PELI2: variants seen among roughly 807,000 people sequenced by gnomAD.
PELI2 encodes pellino E3 ubiquitin protein ligase family member 2, also known as E3 ubiquitin-protein ligase pellino homolog 2.
Under a neutral mutation model 42.3 loss-of-function variants are expected in PELI2, and 23 were observed. The ratio of observed to expected loss-of-function variants is 0.54; its 90% CI spans 0.39 to 0.77. The LOEUF is 0.77. PELI2 is among the 30% of genes least tolerant of loss of function. The pLI is 0.00. For missense variants in PELI2, 463 were observed against 553.2 expected (o/e 0.84, Z 1.64); for synonymous variants, 245 against 212.2 (o/e 1.15, Z -1.34).
intron 2 of PELI2, among the ~76,000 whole-genome samples, chr14:56,248,273 G>T (rs1381780374): frequency 6.6e-6 from 1 of 152,144 alleles, no homozygotes; most frequent in African/African-American, 2.4e-5. Context: ...TTTGAGCATA[G>T]TAAATAATGA....
intron 2 of PELI2, among the ~76,000 whole-genome samples, chr14:56,261,339 T>C (rs1374496852): frequency 6.6e-6 from 1 of 152,212 alleles, no homozygotes; most frequent in East Asian, 1.9e-4. Flanking sequence ...CATTCGTTCA[T>C]GAGTTCATTC....
Position 56,202,531 on chromosome 14 carries a change from C to T in PELI2, c.207+24067C>T, listed in dbSNP as rs147310656. 5.4e-4 allele frequency among the ~76,000 whole-genome samples: 82 copies of T among 152,268 alleles called. 1 individual carries two copies. In the East Asian group the frequency reaches 0.014, roughly 27 times the overall value. On this transcript the variant is annotated intron_variant, in intron 2 of 5. Transcript: ENST00000267460. The stretch of plus-strand genomic sequence containing the variant: ...CCTGCTCTCCAGGTCTGCTCACAGC[C>T]GGGGTCCTGCTGGCTCTGTGTCTTT...
chr14:56,154,608 A>G (rs1305968006), intron 1 of PELI2, among the ~76,000 whole-genome samples: 2 of 152,222 alleles, frequency 1.3e-5, no homozygotes, highest in Non-Finnish European at 2.9e-5. Flanking sequence ...TTTTTCCCTT[A>G]TAAATTGCCC....
intron 1 of PELI2, among the ~76,000 whole-genome samples, chr14:56,122,160 T>C (rs1170948735): frequency 1.3e-5 from 2 of 152,088 alleles, no homozygotes; most frequent in African/African-American, 4.8e-5. Context: ...ATTCCTAATG[T>C]AGATGATGGG....
rs780806508 is a variant in PELI2, at chr14:56,288,672, T to C, written c.507+38T>C. The C allele has an allele frequency of 4.7e-6, 7 of 1,492,526 alleles. No individual in the cohort carries two copies. The East Asian group carries it at 1.4e-4, about 30-fold the overall frequency. 92.5% of individuals were successfully genotyped at this position (1,492,526 alleles called of 1,614,324 possible). ...AAGAAGTACACGATTTCTAGAAAAA[T>C]GCTTGTGATTATGATATGGAACATT... is the stretch of plus-strand genomic sequence containing the variant. On this transcript the variant is annotated intron_variant, in intron 4 of 5. Coordinates refer to ENST00000267460, the MANE Select transcript of PELI2 (RefSeq NM_021255.3). The surrounding 1 kb of genome is among the most constrained non-coding windows in gnomAD (Gnocchi z 4.6).
intron 1 of PELI2, among the ~76,000 whole-genome samples, chr14:56,128,129 A>C (rs1452047136): frequency 6.6e-6 from 1 of 152,192 alleles, no homozygotes; most frequent in Non-Finnish European, 1.5e-5. Flanking sequence ...CTAAACATAC[A>C]CACTAAACAC....
intron 1 of PELI2, among the ~76,000 whole-genome samples, chr14:56,124,409 T>C (rs1883173642): frequency 6.6e-6 from 1 of 152,216 alleles, no homozygotes; most frequent in African/African-American, 2.4e-5. Flanking sequence ...AAGCCAGGAA[T>C]GTATGCATTC....
intron 1 of PELI2, among the ~76,000 whole-genome samples, chr14:56,129,927 C>T (rs1263186165): frequency 6.6e-6 from 1 of 152,194 alleles, no homozygotes; most frequent in Non-Finnish European, 1.5e-5. Flanking sequence ...AGGGGCTGCC[C>T]TGCTTGGCCT....
At chr14:56,151,961 A>G (rs1307798474) in intron 1 of PELI2, among the ~76,000 whole-genome samples, 1 of 152,194 alleles carries the variant, frequency 6.6e-6, no homozygotes, top group African/African-American at 2.4e-5. Flanking sequence ...GCTGTAGTCC[A>G]CAGGATCATT....
Position 56,118,636 on chromosome 14 carries a change from G to A in PELI2, c.-25G>A. On this transcript the variant is annotated 5_prime_UTR_variant, in exon 1 of 6. Transcript: ENST00000267460. The stretch of plus-strand genomic sequence containing the variant: ...CGGCGGAGGCGGCGGCGTCGGCGGC[G>A]GCGTCGGCGGCCGAGCGGGGCTCCA... 7.4e-7 allele frequency: 1 copy of A among 1,355,966 alleles called. No individual in the cohort carries two copies. Among genetic ancestry groups the A allele is most frequent in the South Asian group, 1.7e-5 (1 of 59,258 alleles). 84.0% of individuals were successfully genotyped at this position (1,355,966 alleles called of 1,614,324 possible). A position where few individuals can be genotyped will look rare whatever the true frequency, so the allele number is the denominator to read the frequency against.
intron 1 of PELI2, among the ~76,000 whole-genome samples, chr14:56,158,029 C>A (rs185765785): frequency 6.8e-4 from 104 of 152,094 alleles, no homozygotes; most frequent in African/African-American, 2.2e-3. Flanking sequence ...CTTTGAGATT[C>A]TTCTTCTTCT....
intron 1 of PELI2, among the ~76,000 whole-genome samples, chr14:56,159,837 T>C (rs1270236814): frequency 6.6e-6 from 1 of 152,176 alleles, no homozygotes; most frequent in Non-Finnish European, 1.5e-5. Context: ...CAGTGAAAAG[T>C]GCTCTGCTGT....
chr14:56,190,630 T>A (rs549531217), intron 2 of PELI2, among the ~76,000 whole-genome samples: 2 of 152,232 alleles, frequency 1.3e-5, no homozygotes, highest in Non-Finnish European at 2.9e-5. Flanking sequence ...ATAGACTTTT[T>A]GTTGCTGACT....
chr14:56,235,234 A>C (rs536210198), intron 2 of PELI2, among the ~76,000 whole-genome samples: 3 of 152,206 alleles, frequency 2.0e-5, no homozygotes, highest in Non-Finnish European at 4.4e-5. Context: ...AAAAAAGTTA[A>C]TACTGTGGTG....
intron 1 of PELI2, chr14:56,118,977 A>C (rs978056379): frequency 4.4e-6 from 1 of 224,910 alleles, no homozygotes; most frequent in African/African-American, 2.3e-5. Context: ...CGGCGGAGGA[A>C]GTGGCCAGAA....
In PELI2 at chr14:56,180,558, C is replaced by T. The variant is rs549677768; in HGVS notation, c.207+2094C>T. On this transcript the variant is annotated intron_variant, in intron 2 of 5. Coordinates refer to ENST00000267460, the MANE Select transcript of PELI2 (RefSeq NM_021255.3). The surrounding 1 kb of genome is among the most constrained non-coding windows in gnomAD (Gnocchi z 4.4). Reference sequence around the variant, plus strand: ...CTCTGATAGGTCTCCCCTGGGTCACCGAACTATGACCAAGGGAGATGGGCA... The same window carrying T: ...CTCTGATAGGTCTCCCCTGGGTCACTGAACTATGACCAAGGGAGATGGGCA... 2.0e-5 allele frequency among the ~76,000 whole-genome samples: 3 copies of T among 152,244 alleles called. No individual in the cohort carries two copies. The highest frequency in any genetic ancestry group is 6.5e-5 in the Admixed American group (1 of 15,298).
intron 4 of PELI2, among the ~76,000 whole-genome samples, chr14:56,289,289 T>A (rs2139894793): frequency 6.6e-6 from 1 of 152,280 alleles, no homozygotes; most frequent in Non-Finnish European, 1.5e-5. Flanking sequence ...TGACATCCAG[T>A]GCACTGGGTT....
At chr14:56,160,951 C>T (rs1884738122) in intron 1 of PELI2, among the ~76,000 whole-genome samples, 1 of 152,142 alleles carries the variant, frequency 6.6e-6, no homozygotes, top group Non-Finnish European at 1.5e-5. Flanking sequence ...TATTTTCACA[C>T]AAATGTGGTG....
chr14:56,247,193 A>T (rs1594680234), intron 2 of PELI2, among the ~76,000 whole-genome samples: 1 of 152,198 alleles, frequency 6.6e-6, no homozygotes, highest in Admixed American at 6.5e-5. Flanking sequence ...ACACACACGG[A>T]ATTCTTTCAA....
Sources: allele counts gnomAD v4.1 joint callset (sites outside exome capture counted in the v4.1 genomes callset), GRCh38; gene constraint gnomAD v4.1.1; non-coding constraint Gnocchi (gnomAD v3.1); transcripts MANE v1.5; gene names NCBI Gene and HGNC (gene_info 2026-07-23, HGNC 2026-07-21).